Variants in MRTFA observed in about 807,000 individuals in gnomAD.
MRTFA encodes the protein myocardin-related transcription factor A.
MRTFA carries 20 observed loss-of-function variants against 83.5 expected under a neutral mutation model. The observed-to-expected ratio is 0.24, with a 90% confidence interval of 0.17 to 0.35. MRTFA has a LOEUF of 0.35. Ranked by LOEUF, MRTFA falls within the 10% of genes least tolerant of loss-of-function variation. MRTFA has a pLI of 1.00. For synonymous variants in MRTFA, 659 were observed against 541.2 expected (o/e 1.22, Z -3.02); for missense variants, 1,200 against 1,224.7 (o/e 0.98, Z 0.30).
At chr22:40,487,341 T>C (rs1314919226) in intron 3 of MRTFA, among the ~76,000 whole-genome samples, 1 of 152,208 alleles carries the variant, frequency 6.6e-6, no homozygotes, top group Non-Finnish European at 1.5e-5. Flanking sequence ...TATAATACTT[T>C]ACAAAGCTAC....
At chr22:40,609,995 C>T (rs1301933703) in intron 1 of MRTFA, among the ~76,000 whole-genome samples, 1 of 150,198 alleles carries the variant, frequency 6.7e-6, no homozygotes, top group Non-Finnish European at 1.5e-5. Flanking sequence ...ATTAAACTAT[C>T]AAGATTACAC....
intron 2 of MRTFA, among the ~76,000 whole-genome samples, chr22:40,575,229 C>G (rs951908858): frequency 2.0e-5 from 3 of 152,110 alleles, no homozygotes; most frequent in African/African-American, 7.2e-5. Context: ...GATGTTAACT[C>G]CTTTCCCTGT....
chr22:40,502,147 C>T (rs1238852186), intron 3 of MRTFA, among the ~76,000 whole-genome samples: 4 of 142,954 alleles, frequency 2.8e-5, no homozygotes, highest in South Asian at 2.2e-4. Context: ...GGCGGCTGGC[C>T]GGGCGGGGGG....
intron 1 of MRTFA, among the ~76,000 whole-genome samples, chr22:40,629,775 CAAA>C (rs766356425): frequency 7.4e-5 from 3 of 40,336 alleles, no homozygotes; most frequent in Non-Finnish European, 1.6e-4. Context: ...GATTCCATCT[CAAA>C]AAAAAAAAAA....
rs371592851 is a variant in MRTFA at position 40,441,522 on chromosome 22, C to T, written c.308-5968G>A. On this transcript the variant is annotated intron_variant, in intron 4 of 14. Coordinates refer to ENST00000355630, the MANE Select transcript of MRTFA (RefSeq NM_020831.6). ...CATCCAGGCTGGGCGCAGTGGCTCA[C>T]GCCCGTAATCCCAGCACTTTGGGAG... is the stretch of plus-strand genomic sequence containing the variant. 2.4e-3 allele frequency among the ~76,000 whole-genome samples: 360 copies of T among 152,290 alleles called. 1 individual carries two copies. The highest frequency in any genetic ancestry group is 8.2e-3 in the African/African-American group (342 of 41,546).
At chr22:40,625,762 G>C (rs1226525217) in intron 1 of MRTFA, among the ~76,000 whole-genome samples, 1 of 152,078 alleles carries the variant, frequency 6.6e-6, no homozygotes, top group African/African-American at 2.4e-5. Flanking sequence ...CTGGGCAACA[G>C]AGCAAGAAGA....
At chr22:40,480,657 T>C (rs570086229) in intron 3 of MRTFA, among the ~76,000 whole-genome samples, 28 of 151,980 alleles carry the variant, frequency 1.8e-4, no homozygotes, top group Middle Eastern at 3.4e-3. Context: ...ATCTAAAGGT[T>C]ATTCAGGCTG....
At chr22:40,434,155 T>G (rs2053122381) in intron 5 of MRTFA, among the ~76,000 whole-genome samples, 1 of 152,216 alleles carries the variant, frequency 6.6e-6, no homozygotes, top group African/African-American at 2.4e-5. Flanking sequence ...TGCTGGTCCC[T>G]GCCTATTTGA....
intron 3 of MRTFA, among the ~76,000 whole-genome samples, chr22:40,494,587 A>T (rs2054319856): frequency 6.6e-6 from 1 of 152,016 alleles, no homozygotes; most frequent in Non-Finnish European, 1.5e-5. Flanking sequence ...AGGCTAAGGT[A>T]GGAGCATCAC....
intron 14 of MRTFA, among the ~76,000 whole-genome samples, chr22:40,413,752 C>T (rs1037085100): frequency 1.3e-5 from 2 of 152,234 alleles, no homozygotes; most frequent in African/African-American, 2.4e-5. Context: ...CGATTTATCA[C>T]AATTTTTAAA....
intron 2 of MRTFA, among the ~76,000 whole-genome samples, chr22:40,579,616 T>C (rs1371099249): frequency 6.6e-6 from 1 of 152,100 alleles, no homozygotes; most frequent in East Asian, 1.9e-4. Context: ...TCCCAACACT[T>C]TAGGAGGCCA....
chr22:40,429,919 G>C (rs957530621), intron 6 of MRTFA, 152 bp from the exon 7 acceptor site: 6 of 794,714 alleles, frequency 7.5e-6, no homozygotes, highest in Non-Finnish European at 1.2e-5. Flanking sequence ...GGCCTGTCTT[G>C]AAGTTTCACA....
chr22:40,611,489 C>T (rs556510389), intron 1 of MRTFA, among the ~76,000 whole-genome samples: 1 of 152,148 alleles, frequency 6.6e-6, no homozygotes, highest in Admixed American at 6.5e-5. Context: ...AAGTAATCCT[C>T]CCACCTCAGC....
intron 4 of MRTFA, among the ~76,000 whole-genome samples, chr22:40,446,779 G>T (rs2053386289): frequency 6.6e-6 from 1 of 152,172 alleles, no homozygotes; most frequent in African/African-American, 2.4e-5. Flanking sequence ...GGAGTCAGAG[G>T]TATGTGTCCC....
At chr22:40,586,011 T>C (rs1231556109) in intron 2 of MRTFA, among the ~76,000 whole-genome samples, 4 of 152,174 alleles carry the variant, frequency 2.6e-5, no homozygotes, top group African/African-American at 7.2e-5. Flanking sequence ...GAAACTTTTG[T>C]TTTAGATATC....
intron 2 of MRTFA, among the ~76,000 whole-genome samples, chr22:40,557,551 G>A (rs902106313): frequency 1.3e-5 from 2 of 152,006 alleles, no homozygotes; most frequent in Admixed American, 6.6e-5. Flanking sequence ...TGGGAGGATC[G>A]CTAGAGCCCA....
At chr22:40,540,776 C>CAAAAAAAAAAAAAAAA in intron 3 of MRTFA, among the ~76,000 whole-genome samples, 1 of 91,134 alleles carries the variant, frequency 1.1e-5, no homozygotes, top group Non-Finnish European at 2.1e-5. Context: ...GACTCTGTCT[C>CAAAAAAAAAAAAAAAA]AAAAAAAAAA....
intron 3 of MRTFA, among the ~76,000 whole-genome samples, chr22:40,527,616 G>A (rs186717781): frequency 1.2e-4 from 18 of 151,766 alleles, no homozygotes; most frequent in Admixed American, 2.6e-4. Context: ...AAAATTAGCC[G>A]GGCATGGTGG....
rs753956562 is a variant in MRTFA at position 40,419,136 on chromosome 22, G to A, written c.1602C>T (p.Ala534=). 27 of 1,587,724 alleles carry A rather than the reference G, an allele frequency of 1.7e-5. No individual in the cohort carries two copies. Among genetic ancestry groups the A allele is most frequent in the Non-Finnish European group, 2.2e-5 (26 of 1,167,098 alleles). Residue 534 remains alanine, a synonymous_variant, in exon 12 of 15, where the codon GCC becomes GCT. Transcript: ENST00000355630. ...TCACCACCCCACTGCTGGCCACCGT[G>A]GCCACCACCACCTCAGCTGGAGCCA...
Sources: allele counts gnomAD v4.1 joint callset (sites outside exome capture counted in the v4.1 genomes callset), GRCh38; gene constraint gnomAD v4.1.1; transcripts MANE v1.5; gene names NCBI Gene and HGNC (gene_info 2026-07-23, HGNC 2026-07-21).